RXFP2: variants seen among roughly 807,000 people sequenced by gnomAD.
RXFP2 encodes the protein relaxin family peptide receptor 2, also known as relaxin receptor 2.
A neutral mutation model predicts 88.6 loss-of-function variants in RXFP2; 68 were observed. That is an observed-to-expected ratio of 0.77 (90% confidence interval 0.63 to 0.94). The LOEUF (loss-of-function observed/expected upper bound fraction) is 0.94, where lower values mean the gene tolerates loss of function less well. RXFP2 is among the 40% of genes least tolerant of loss of function. The probability of loss-of-function intolerance (pLI) is 0.00; values close to 1 mark genes in which losing one functional copy is unlikely to be tolerated. For synonymous variants in RXFP2, 329 were observed against 306.8 expected, an observed-to-expected ratio of 1.07 and a Z score of -0.76; for missense variants, 791 against 893.9, an observed-to-expected ratio of 0.88 and a Z score of 1.47.
At chr13:31,758,566 A>G (rs1468141786) in intron 2 of RXFP2, among the ~76,000 whole-genome samples, 162 bp downstream of exon 2, 1 of 152,226 alleles carries the variant, frequency 6.6e-6, no homozygotes, top group Non-Finnish European at 1.5e-5. Flanking sequence ...TATTTGTGAT[A>G]ACGACCTGAA....
intron 5 of RXFP2, among the ~76,000 whole-genome samples, chr13:31,774,275 C>A (rs1321408959): frequency 6.6e-6 from 1 of 152,178 alleles, no homozygotes; most frequent in African/African-American, 2.4e-5. Flanking sequence ...TTCAGCAGTG[C>A]GAGGCTGGCT....
rs1019536711 is a variant in RXFP2 at position 31,786,609 on chromosome 13, T to A, written c.1045T>A (p.Phe349Ile). 8 of 1,603,370 alleles carry A rather than the reference T, an allele frequency of 5.0e-6. No individual in the cohort carries two copies. Among genetic ancestry groups the A allele is most frequent in the Non-Finnish European group, 6.8e-6 (8 of 1,170,866 alleles). Reference sequence around the variant, plus strand: ...TCTTATGTATCTTCACAAGAACCAGTTTGAAAGTCTTAAACAACTTCAGTC... The same window carrying A: ...TCTTATGTATCTTCACAAGAACCAGATTGAAAGTCTTAAACAACTTCAGTC... ...NPLMYLHKNQFESLKQLQSLD... is the reference protein window; with the variant it reads ...NPLMYLHKNQIESLKQLQSLD... The change falls in exon 13 of 18, where the codon TTT (phenylalanine) becomes ATT (isoleucine). Residue 349 changes from phenylalanine to isoleucine, a missense_variant. Phe to Ile is a conservative substitution (Grantham distance 21). Transcript: ENST00000298386.
rs56132108 is a variant in RXFP2 at position 31,764,243 on chromosome 13, T to TCACACACACACACA, written c.320-761_320-748dup. Among the ~76,000 whole-genome samples the TCACACACACACACA allele has an allele frequency of 2.2e-3, 294 of 131,766 alleles. 1 individual carries two copies. The highest frequency in any genetic ancestry group is 3.9e-3 in the Middle Eastern group (1 of 258). 86.4% of individuals were successfully genotyped at this position (131,766 alleles called of 152,430 possible). On this transcript the variant is annotated intron_variant, in intron 3 of 17. Coordinates refer to ENST00000298386, the MANE Select transcript of RXFP2 (RefSeq NM_130806.5). The stretch of plus-strand genomic sequence containing the variant: ...CTGCCCTCGTCTGTCTCTCTCTCTT[T>TCACACACACACACA]CACACACACACACACACACACACAC...
intron 1 of RXFP2, among the ~76,000 whole-genome samples, chr13:31,743,285 T>C (rs1871283661): frequency 6.6e-6 from 1 of 151,990 alleles, no homozygotes; most frequent in Admixed American, 6.6e-5. Flanking sequence ...CTGGAAAACA[T>C]GGTGAAATCC....
chr13:31,793,633 G>T (rs1481897845), intron 16 of RXFP2, among the ~76,000 whole-genome samples: 1 of 152,088 alleles, frequency 6.6e-6, no homozygotes, highest in East Asian at 1.9e-4. Context: ...TATTGTAAAA[G>T]AAGACTCTGT....
chr13:31,744,826 T>C (rs1457204017), intron 1 of RXFP2, among the ~76,000 whole-genome samples: 3 of 152,148 alleles, frequency 2.0e-5, no homozygotes, highest in Non-Finnish European at 4.4e-5. Flanking sequence ...ATATATTCCT[T>C]CCATTAGTTC....
chr13:31,759,856 C>G (rs1872214702), intron 2 of RXFP2, among the ~76,000 whole-genome samples: 1 of 152,010 alleles, frequency 6.6e-6, no homozygotes, highest in South Asian at 2.1e-4. Flanking sequence ...GGCGTGCCTC[C>G]CTCTGAAGGA....
At chr13:31,794,404 A>ACACACC (rs1464700526) in intron 16 of RXFP2, among the ~76,000 whole-genome samples, 27 of 114,314 alleles carry the variant, frequency 2.4e-4, no homozygotes, top group African/African-American at 8.3e-4. Context: ...ACACACACAC[A>ACACACC]CACACCATGA....
intron 6 of RXFP2, among the ~76,000 whole-genome samples, chr13:31,775,073 T>C (rs967370443): frequency 6.6e-6 from 1 of 152,204 alleles, no homozygotes; most frequent in African/African-American, 2.4e-5. Flanking sequence ...TCTAACATGA[T>C]GTAATATCCC....
intron 15 of RXFP2, 26 bp downstream of exon 15, chr13:31,792,061 A>C: frequency 6.6e-7 from 1 of 1,505,154 alleles, no homozygotes; most frequent in Non-Finnish European, 9.2e-7. Flanking sequence ...GTATAAGTAG[A>C]TTAAGGATAT....
intron 17 of RXFP2, among the ~76,000 whole-genome samples, chr13:31,799,619 C>T (rs1874234311): frequency 6.6e-6 from 1 of 152,202 alleles, no homozygotes; most frequent in South Asian, 2.1e-4. Context: ...CTGGGTTCCT[C>T]TCCTGCCCCT....
chr13:31,786,169 T>A (rs932931206), intron 11 of RXFP2, among the ~76,000 whole-genome samples: 1 of 152,180 alleles, frequency 6.6e-6, no homozygotes, highest in Non-Finnish European at 1.5e-5. Context: ...AAATTCCAGA[T>A]AGGAACTGGA....
At chr13:31,750,063 G>A (rs1293847942) in intron 1 of RXFP2, among the ~76,000 whole-genome samples, 1 of 152,168 alleles carries the variant, frequency 6.6e-6, no homozygotes, top group African/African-American at 2.4e-5. Context: ...GGATCTGGCA[G>A]TTCCATCTCT....
intron 14 of RXFP2, 107 bp downstream of exon 14, chr13:31,789,300 C>G (rs1221724255): frequency 1.3e-6 from 1 of 781,848 alleles, no homozygotes. Flanking sequence ...CAACAAAAGT[C>G]ATTTTATTGA....
rs544692250 is a variant in RXFP2 at position 31,758,173 on chromosome 13, T to C, written c.95-85T>C. On this transcript the variant is annotated intron_variant, in intron 1 of 17. Transcript: ENST00000298386. ...AATAATACCAGATGAACTCAACTCA[T>C]ATAGCTCTTGTGAAAATTAAATGGG... 11 of 1,381,746 alleles carry C rather than the reference T, an allele frequency of 8.0e-6. No individual in the cohort carries two copies. In the South Asian group the frequency reaches 8.2e-5, roughly 10 times the overall value. The allele number at this position is 1,381,746 out of a possible 1,614,324, so 85.6% of individuals were successfully genotyped here.
At chr13:31,790,228 C>T (rs1185174515) in intron 14 of RXFP2, among the ~76,000 whole-genome samples, 1 of 152,088 alleles carries the variant, frequency 6.6e-6, no homozygotes, top group East Asian at 1.9e-4. Flanking sequence ...CACCCCAATC[C>T]CTTTCACCTG....
In RXFP2 at chr13:31,802,198, G is replaced by A. The variant is rs1874378771; in HGVS notation, c.2058G>A (p.Leu686=). The change falls in exon 18 of 18, where the codon TTG becomes TTA. Residue 686 remains leucine (L), a synonymous_variant. Transcript: ENST00000298386. ...VIFFLPVNSA[L]NPILYTLTTN... ...TTTTCCTTCCAGTTAACAGTGCTTTGAATCCAATCCTCTATACTCTCACAA... is the reference window on the plus strand; with the variant it reads ...TTTTCCTTCCAGTTAACAGTGCTTTAAATCCAATCCTCTATACTCTCACAA... 6.2e-7 allele frequency: 1 copy of A among 1,613,456 alleles called. No homozygotes were observed. Among genetic ancestry groups the A allele is most frequent in the Non-Finnish European group, 8.5e-7 (1 of 1,179,868 alleles).
chr13:31,745,441 T>C (rs900040754), intron 1 of RXFP2, among the ~76,000 whole-genome samples: 1 of 152,174 alleles, frequency 6.6e-6, no homozygotes, highest in African/African-American at 2.4e-5. Flanking sequence ...AAGCATTATT[T>C]AAATCACAAT....
At chr13:31,798,791 C>T (rs918074398) in intron 17 of RXFP2, among the ~76,000 whole-genome samples, 6 of 152,088 alleles carry the variant, frequency 3.9e-5, no homozygotes, top group East Asian at 3.9e-4. Flanking sequence ...TGAAGCTGTC[C>T]CCCCAACCTG....
Sources: gnomAD v4.1 joint callset for allele counts (sites outside exome capture counted in the v4.1 genomes callset) on GRCh38, gnomAD v4.1.1 for gene constraint, MANE v1.5 for transcripts, NCBI Gene and HGNC (gene_info 2026-07-23, HGNC 2026-07-21) for gene names.